Variants in WWOX observed in about 807,000 individuals in gnomAD.
WWOX encodes the protein WW domain containing oxidoreductase.
A neutral mutation model predicts 46.2 loss-of-function variants in WWOX; 69 were observed. The observed-to-expected ratio is 1.49, with a 90% CI of 1.23 to 1.82. WWOX has a LOEUF of 1.82. Ranked by LOEUF, WWOX falls within the 40% of genes most tolerant of loss-of-function variation. The pLI is 0.00. For synonymous variants in WWOX, 359 were observed against 202.6 expected (o/e 1.77, Z -6.56); for missense variants, 919 against 542.6 (o/e 1.69, Z -6.89).
chr16:78,492,750 A>G (rs1028517494), intron 8 of WWOX, among the ~76,000 whole-genome samples: 1 of 152,220 alleles, frequency 6.6e-6, no homozygotes. Flanking sequence ...TGGTTCTGAG[A>G]GAATATGCAT....
At chr16:78,619,743 C>G (rs973254289) in intron 8 of WWOX, among the ~76,000 whole-genome samples, 7 of 151,674 alleles carry the variant, frequency 4.6e-5, no homozygotes, top group African/African-American at 1.7e-4. Context: ...CATCTGTATC[C>G]AAATAAAAGC....
intron 5 of WWOX, among the ~76,000 whole-genome samples, chr16:78,227,901 C>T (rs771171318): frequency 7.2e-5 from 11 of 151,846 alleles, no homozygotes; most frequent in African/African-American, 2.2e-4. Context: ...AGAAACATAC[C>T]GGGAGATCTG....
At chr16:78,853,012 T>C (rs974933624) in intron 8 of WWOX, among the ~76,000 whole-genome samples, 1 of 152,204 alleles carries the variant, frequency 6.6e-6, no homozygotes, top group Non-Finnish European at 1.5e-5. Flanking sequence ...CCCGGGGTCA[T>C]ACAGATAATT....
intron 8 of WWOX, among the ~76,000 whole-genome samples, chr16:78,812,424 A>T (rs916363211): frequency 2.0e-5 from 3 of 152,112 alleles, no homozygotes; most frequent in African/African-American, 7.2e-5. Flanking sequence ...AAAAACCCAA[A>T]AACAGAAACA....
intron 5 of WWOX, 109 bp from the exon 6 acceptor site, chr16:78,386,751 T>C (rs964217913): frequency 9.9e-5 from 96 of 973,276 alleles, no homozygotes; most frequent in Non-Finnish European, 1.5e-4. Flanking sequence ...GGGCGTCTTA[T>C]ATTAAACAGG....
intron 8 of WWOX, among the ~76,000 whole-genome samples, chr16:79,015,268 A>G (rs541675244): frequency 6.6e-6 from 1 of 152,274 alleles, no homozygotes; most frequent in African/African-American, 2.4e-5. Context: ...AAAGCGAGAC[A>G]ATGGGGTCAG....
At chr16:78,666,758 T>A (rs1381565607) in intron 8 of WWOX, among the ~76,000 whole-genome samples, 1 of 152,216 alleles carries the variant, frequency 6.6e-6, no homozygotes, top group Non-Finnish European at 1.5e-5. Flanking sequence ...TGTTTGGTTG[T>A]GTTCTTTCCT....
intron 8 of WWOX, among the ~76,000 whole-genome samples, chr16:78,481,563 A>C (rs2084486812): frequency 6.6e-6 from 1 of 151,870 alleles, no homozygotes; most frequent in Non-Finnish European, 1.5e-5. Context: ...CTTAATTTAA[A>C]GGGATTTAAA....
At chr16:78,866,676 C>T (rs1260197704) in intron 8 of WWOX, among the ~76,000 whole-genome samples, 2 of 152,186 alleles carry the variant, frequency 1.3e-5, no homozygotes, top group Admixed American at 6.5e-5. Flanking sequence ...GCAACGTAGC[C>T]TGATTGTTCT....
chr16:78,143,495 C>T (rs190275333), intron 4 of WWOX, among the ~76,000 whole-genome samples: 1 of 152,292 alleles, frequency 6.6e-6, no homozygotes. Flanking sequence ...CACGGGTGCT[C>T]ATCGTTTACA....
intron 8 of WWOX, among the ~76,000 whole-genome samples, chr16:78,528,173 T>G (rs1282109838): frequency 7.7e-6 from 1 of 130,306 alleles, no homozygotes; most frequent in Non-Finnish European, 1.6e-5. Context: ...TAATTTTTTT[T>G]TTTTTTTTTT....
In WWOX at chr16:78,334,806, A is replaced by ATG. The variant is rs2080842680; in HGVS notation, c.517-52054_517-52053insTG. On this transcript the variant is annotated intron_variant, in intron 5 of 8. Transcript: ENST00000566780. ...AAGTCTCCCCTCCACACACACACAC[A>ATG]CGCACACACACACACACACACACAC... Among the ~76,000 whole-genome samples, 13 of 130,830 alleles carry ATG rather than the reference A, an allele frequency of 9.9e-5. 1 individual carries two copies. Among genetic ancestry groups the ATG allele is most frequent in the Admixed American group, 6.0e-4 (7 of 11,742 alleles). 85.8% of individuals were successfully genotyped at this position (130,830 alleles called of 152,430 possible). A position where few individuals can be genotyped will look rare whatever the true frequency, so the allele number is the denominator to read the frequency against.
intron 5 of WWOX, among the ~76,000 whole-genome samples, chr16:78,257,397 A>G (rs2038160997): frequency 6.6e-6 from 1 of 152,190 alleles, no homozygotes; most frequent in Non-Finnish European, 1.5e-5. Context: ...GATTCGGGGA[A>G]TGCCATTTGA....
intron 5 of WWOX, among the ~76,000 whole-genome samples, chr16:78,175,747 T>A (rs1309905347): frequency 4.6e-5 from 7 of 152,196 alleles, no homozygotes; most frequent in African/African-American, 1.7e-4. Flanking sequence ...CCACAAAATA[T>A]GGTAAGATAC....
intron 8 of WWOX, among the ~76,000 whole-genome samples, chr16:79,170,945 T>C (rs1475786421): frequency 2.0e-5 from 3 of 152,210 alleles, no homozygotes; most frequent in African/African-American, 4.8e-5. Flanking sequence ...CATTGACTTA[T>C]CTAAATATTC....
At chr16:78,821,219 A>G (rs917572058) in intron 8 of WWOX, among the ~76,000 whole-genome samples, 10 of 152,116 alleles carry the variant, frequency 6.6e-5, no homozygotes, top group East Asian at 3.9e-4. Context: ...TTATCCCTGC[A>G]TGTTGAGCAT....
chr16:79,093,053 G>C (rs150364266), intron 8 of WWOX, among the ~76,000 whole-genome samples: 5 of 152,166 alleles, frequency 3.3e-5, no homozygotes, highest in Non-Finnish European at 7.3e-5. Context: ...TTACCTAGCA[G>C]TTCAACAGCT....
intron 5 of WWOX, among the ~76,000 whole-genome samples, chr16:78,380,744 A>G (rs888769437): frequency 4.6e-5 from 7 of 152,242 alleles, no homozygotes; most frequent in African/African-American, 1.7e-4. Context: ...TATTACTCCC[A>G]CTTCACAGAG....
intron 8 of WWOX, among the ~76,000 whole-genome samples, chr16:78,493,646 T>C (rs1391320638): frequency 1.3e-5 from 2 of 152,218 alleles, no homozygotes; most frequent in African/African-American, 4.8e-5. Flanking sequence ...GTACTTGCTA[T>C]GCACTTATAT....
Sources: allele counts gnomAD v4.1 joint callset (sites outside exome capture counted in the v4.1 genomes callset), GRCh38; gene constraint gnomAD v4.1.1; transcripts MANE v1.5; gene names NCBI Gene and HGNC (gene_info 2026-07-23, HGNC 2026-07-21).